The following DRC9 variants were observed in gnomAD, a reference collection of about 807,000 sequenced individuals.
The protein encoded by DRC9 is dynein regulatory complex subunit 9.
the DRC9 span, chr3:197,944,013 C>T: frequency 8.7e-6 from 14 of 1,613,972 alleles, no homozygotes; most frequent in Non-Finnish European, 1.2e-5. Flanking sequence ...CTCAGAATGC[C>T]AAACTTTTGG....
the DRC9 span, among the ~76,000 whole-genome samples, chr3:197,915,711 G>T: frequency 6.6e-6 from 1 of 151,482 alleles, no homozygotes; most frequent in East Asian, 2.0e-4. Context: ...CTTACTGCAA[G>T]CTCCACCTCC....
At chr3:197,938,639 C>G in the DRC9 span, 1 of 1,614,144 alleles carries the variant, frequency 6.2e-7, no homozygotes, top group Non-Finnish European at 8.5e-7. Flanking sequence ...TTGTTAAACT[C>G]CACAGCGAAC....
At chr3:197,889,821 T>C in the DRC9 span, 2 of 1,331,270 alleles carry the variant, frequency 1.5e-6, no homozygotes, top group African/African-American at 2.9e-5. Context: ...TGACAAACAG[T>C]CTCTCTCCAG....
At chr3:197,951,731 C>G in the DRC9 span, 2 of 210,020 alleles carry the variant, frequency 9.5e-6, no homozygotes, top group African/African-American at 4.7e-5. Flanking sequence ...TGACAAGAGT[C>G]TCTGTTGCCC....
the DRC9 span, among the ~76,000 whole-genome samples, chr3:197,922,896 G>A: frequency 6.6e-6 from 1 of 151,890 alleles, no homozygotes; most frequent in African/African-American, 2.4e-5. Context: ...CTCTGAAAAA[G>A]TCTATTCATT....
chr3:197,908,868 C>A, the DRC9 span, among the ~76,000 whole-genome samples: 175 of 151,180 alleles, frequency 1.2e-3, 1 homozygote, highest in African/African-American at 3.9e-3. Context: ...GAAGAGCAAG[C>A]AACCCTTTCC....
chr3:197,938,492 T>G, the DRC9 span: 7 of 1,359,620 alleles, frequency 5.1e-6, no homozygotes, highest in Non-Finnish European at 7.4e-6. Flanking sequence ...TGGGCGCCCC[T>G]TCGCTCATCT....
chr3:197,913,051 C>T, the DRC9 span: 38 of 322,094 alleles, frequency 1.2e-4, no homozygotes, highest in African/African-American at 6.3e-4. Flanking sequence ...AGGGGGATTC[C>T]GGAGTGCCAG....
At chr3:197,931,043 AAAAAAAAG>A in the DRC9 span, among the ~76,000 whole-genome samples, 1 of 152,064 alleles carries the variant, frequency 6.6e-6, no homozygotes, top group Non-Finnish European at 1.5e-5. Flanking sequence ...AAAAAAAGAA[AAAAAAAAG>A]AAAAGAAAAG....
chr3:197,943,953 CCTT>C, the DRC9 span: 1 of 1,614,084 alleles, frequency 6.2e-7, no homozygotes, highest in South Asian at 1.1e-5. Context: ...TTTAGGTATT[CCTT>C]CTTCTTCTAC....
the DRC9 span, among the ~76,000 whole-genome samples, chr3:197,934,823 TA>T: frequency 0.014 from 1,281 of 89,068 alleles, 8 homozygotes; most frequent in Middle Eastern, 0.056. Context: ...TCACAAAAAT[TA>T]AAAAAAAAAA....
the DRC9 span, among the ~76,000 whole-genome samples, chr3:197,945,282 A>ATTAC: frequency 6.6e-6 from 1 of 152,208 alleles, no homozygotes; most frequent in African/African-American, 2.4e-5. Context: ...CATGAAGGTA[A>ATTAC]GGAACTAAGG....
At chr3:197,937,779 T>C in the DRC9 span, among the ~76,000 whole-genome samples, 1 of 151,658 alleles carries the variant, frequency 6.6e-6, no homozygotes, top group Non-Finnish European at 1.5e-5. Flanking sequence ...GCCCAGCCCA[T>C]TCTCATTTTT....
chr3:197,950,824 C>A, the DRC9 span: 3 of 904,204 alleles, frequency 3.3e-6, no homozygotes, highest in Admixed American at 2.2e-5. Flanking sequence ...CCCCGAACTC[C>A]TACATGAAAC....
the DRC9 span, chr3:197,912,465 AGC>A: frequency 2.0e-6 from 1 of 495,214 alleles, no homozygotes; most frequent in East Asian, 3.4e-5. Context: ...CAATGATAAA[AGC>A]AGAAAACAAA....
At chr3:197,929,913 A>G in the DRC9 span, among the ~76,000 whole-genome samples, 1 of 152,032 alleles carries the variant, frequency 6.6e-6, no homozygotes, top group Non-Finnish European at 1.5e-5. The surrounding 1 kb of genome is among the most constrained non-coding windows in gnomAD (Gnocchi z 4.6). Context: ...CATGGGCAAC[A>G]AGAGTGAAAC....
At chr3:197,915,494 A>T in the DRC9 span, among the ~76,000 whole-genome samples, 1 of 152,164 alleles carries the variant, frequency 6.6e-6, no homozygotes, top group Non-Finnish European at 1.5e-5. Flanking sequence ...GTTTGAAAAG[A>T]ACTGTTTGGG....
chr3:197,942,073 C>G, the DRC9 span, among the ~76,000 whole-genome samples: 1 of 152,082 alleles, frequency 6.6e-6, no homozygotes, highest in Non-Finnish European at 1.5e-5. Context: ...TCGCAGAATG[C>G]CAGCTCTGGA....
At chr3:197,936,472 C>G in the DRC9 span, among the ~76,000 whole-genome samples, 3 of 152,122 alleles carry the variant, frequency 2.0e-5, no homozygotes, top group Non-Finnish European at 4.4e-5. Context: ...TCGGGTGATC[C>G]TCCCACCTCA....
Sources: gnomAD v4.1 joint callset for allele counts (sites outside exome capture counted in the v4.1 genomes callset) on GRCh38, gnomAD v4.1.1 for gene constraint, Gnocchi (gnomAD v3.1) non-coding constraint, MANE v1.5 for transcripts, NCBI Gene and HGNC (gene_info 2026-07-23, HGNC 2026-07-21) for gene names.